PARD3B: variants seen among roughly 807,000 people sequenced by gnomAD.
The protein encoded by PARD3B is partitioning defective 3 homolog B.
Under a neutral mutation model 130.2 loss-of-function variants are expected in PARD3B, and 103 were observed. The ratio of observed to expected loss-of-function variants is 0.79; its 90% CI spans 0.67 to 0.93. PARD3B has a LOEUF of 0.93. Among genes scored for constraint, PARD3B ranks in the 40% least tolerant of loss-of-function variants. PARD3B has a pLI of 0.00. For missense variants in PARD3B, 1,609 were observed against 1,499.2 expected (o/e 1.07, Z -1.21); for synonymous variants, 583 against 553.2 (o/e 1.05, Z -0.76).
At chr2:204,779,142 C>T (rs889306213) in intron 2 of PARD3B, among the ~76,000 whole-genome samples, 1 of 152,112 alleles carries the variant, frequency 6.6e-6, no homozygotes, top group Non-Finnish European at 1.5e-5. Flanking sequence ...TCCTCCCCCT[C>T]AGGTTTCTGA....
intron 2 of PARD3B, among the ~76,000 whole-genome samples, chr2:204,886,521 C>A (rs2046275971): frequency 6.6e-6 from 1 of 152,210 alleles, no homozygotes; most frequent in Admixed American, 6.6e-5. Context: ...ACTTTTATCA[C>A]ACTTGACAGT....
intron 4 of PARD3B, among the ~76,000 whole-genome samples, chr2:205,081,805 G>A (rs1211868166): frequency 6.6e-6 from 1 of 151,868 alleles, no homozygotes; most frequent in Non-Finnish European, 1.5e-5. Context: ...AAATATTTTT[G>A]CCTCTCTATT....
intron 1 of PARD3B, among the ~76,000 whole-genome samples, chr2:204,611,635 T>C (rs1474114689): frequency 2.6e-5 from 4 of 152,178 alleles, no homozygotes; most frequent in Non-Finnish European, 5.9e-5. Context: ...TTATAATATG[T>C]AAGATATATA....
In PARD3B at chr2:204,922,525, C is replaced by T. The variant is rs140289606; in HGVS notation, c.223-42627C>T. On this transcript the variant is annotated intron_variant, in intron 2 of 22. Transcript: ENST00000406610. ...AGGCAGGTTCAGGGGAGTAGTAGAA[C>T]GAAAAGTCATATTGCATTTGGTTGA... Among the ~76,000 whole-genome samples, 1,068 of 151,812 alleles carry T rather than the reference C, an allele frequency of 7.0e-3. 16 individuals are homozygous for T. The highest frequency in any genetic ancestry group is 0.024 in the African/African-American group (977 of 41,390).
chr2:205,362,120 G>T (rs1022362878), intron 18 of PARD3B, among the ~76,000 whole-genome samples: 1 of 152,144 alleles, frequency 6.6e-6, no homozygotes, highest in African/African-American at 2.4e-5. Flanking sequence ...CATTCCCAAA[G>T]ATTCTTGCTA....
At chr2:204,599,296 A>G (rs540971660) in intron 1 of PARD3B, among the ~76,000 whole-genome samples, 12 of 151,942 alleles carry the variant, frequency 7.9e-5, no homozygotes, top group Non-Finnish European at 1.6e-4. Context: ...CTTCCCATCT[A>G]GCTATTATTT....
intron 2 of PARD3B, among the ~76,000 whole-genome samples, chr2:204,820,126 G>A (rs954655984): frequency 7.5e-5 from 10 of 133,996 alleles, no homozygotes; most frequent in African/African-American, 2.4e-4. Context: ...CCCAGGCTGC[G>A]GTGCAATGGT....
intron 15 of PARD3B, among the ~76,000 whole-genome samples, chr2:205,194,515 A>G (rs535497992): frequency 6.6e-6 from 1 of 152,310 alleles, no homozygotes; most frequent in East Asian, 1.9e-4. Flanking sequence ...AGAGCAGTTC[A>G]TTTTCATAGA....
chr2:204,989,599 G>A (rs556442531), intron 3 of PARD3B, among the ~76,000 whole-genome samples: 12 of 152,096 alleles, frequency 7.9e-5, no homozygotes, highest in African/African-American at 2.4e-4. Context: ...TCACTTTTCT[G>A]TGGAATAATC....
At chr2:205,556,187 A>C (rs1338123034) in intron 22 of PARD3B, among the ~76,000 whole-genome samples, 1 of 152,222 alleles carries the variant, frequency 6.6e-6, no homozygotes, top group Non-Finnish European at 1.5e-5. Context: ...TTAAATTTTT[A>C]ATTAAAAACA....
At chr2:205,438,431 T>C (rs982530323) in intron 19 of PARD3B, among the ~76,000 whole-genome samples, 2 of 152,210 alleles carry the variant, frequency 1.3e-5, no homozygotes, top group African/African-American at 4.8e-5. Flanking sequence ...ATCTTTCTGC[T>C]GAATGATTTC....
chr2:205,056,850 T>A (rs1050755530), intron 4 of PARD3B, among the ~76,000 whole-genome samples: 8 of 151,658 alleles, frequency 5.3e-5, no homozygotes, highest in African/African-American at 1.9e-4. Context: ...TGCCTTTAAT[T>A]TTAATCAGTG....
chr2:204,900,167 A>C (rs559019778), intron 2 of PARD3B, among the ~76,000 whole-genome samples: 37 of 151,936 alleles, frequency 2.4e-4, no homozygotes, highest in Non-Finnish European at 4.9e-4. Flanking sequence ...GGTTTGGGAA[A>C]TTCTCTGTTG....
At chr2:204,751,408 C>A (rs2040462095) in intron 2 of PARD3B, among the ~76,000 whole-genome samples, 1 of 152,212 alleles carries the variant, frequency 6.6e-6, no homozygotes, top group Non-Finnish European at 1.5e-5. Flanking sequence ...GCCCTCTGGG[C>A]AGGAGAAGCC....
intron 2 of PARD3B, among the ~76,000 whole-genome samples, chr2:204,857,383 A>G (rs554028454): frequency 6.6e-6 from 1 of 152,208 alleles, no homozygotes; most frequent in Non-Finnish European, 1.5e-5. Context: ...TGTGGAAGAG[A>G]ATGTAGGGGA....
At chr2:205,080,814 C>G (rs1177856628) in intron 4 of PARD3B, among the ~76,000 whole-genome samples, 2 of 152,062 alleles carry the variant, frequency 1.3e-5, no homozygotes, top group African/African-American at 4.8e-5. Context: ...TTCATTTTAG[C>G]TATTCTGATG....
intron 21 of PARD3B, among the ~76,000 whole-genome samples, chr2:205,507,862 A>G (rs886401749): frequency 1.3e-5 from 2 of 152,374 alleles, no homozygotes; most frequent in Admixed American, 1.3e-4. Flanking sequence ...AAAAGGAGAA[A>G]GAAAATTCAC....
chr2:205,373,940 G>A (rs981953657), intron 18 of PARD3B, among the ~76,000 whole-genome samples: 2 of 151,938 alleles, frequency 1.3e-5, no homozygotes, highest in Admixed American at 6.6e-5. Flanking sequence ...GTCTATTTTC[G>A]GTAATCTCTT....
At chr2:204,766,277 G>A (rs973083403) in intron 2 of PARD3B, among the ~76,000 whole-genome samples, 1 of 152,026 alleles carries the variant, frequency 6.6e-6, no homozygotes, top group East Asian at 1.9e-4. Flanking sequence ...ATACTTATGT[G>A]TTTAAAATAC....
Sources: allele counts gnomAD v4.1 joint callset (sites outside exome capture counted in the v4.1 genomes callset), GRCh38; gene constraint gnomAD v4.1.1; transcripts MANE v1.5; gene names NCBI Gene and HGNC (gene_info 2026-07-23, HGNC 2026-07-21).